PNPLA1: variants seen among roughly 807,000 people sequenced by gnomAD.
The protein encoded by PNPLA1 is patatin like domain 1, omega-hydroxyceramide transacylase.
PNPLA1 carries 36 observed loss-of-function variants against 51.7 expected under a neutral mutation model. That is an observed-to-expected ratio of 0.70 (90% CI 0.53 to 0.92). The LOEUF (loss-of-function observed/expected upper bound fraction) is 0.92. Among genes scored for constraint, PNPLA1 ranks in the 40% least tolerant of loss-of-function variants. PNPLA1 has a pLI of 0.00. For missense variants in PNPLA1, 658 were observed against 682.5 expected (o/e 0.96, Z 0.40); for synonymous variants, 293 against 280.1 (o/e 1.05, Z -0.46).
At chr6:36,295,577 C>T (rs181777329) in intron 5 of PNPLA1, among the ~76,000 whole-genome samples, 153 bp downstream of exon 5, 1 of 152,294 alleles carries the variant, frequency 6.6e-6, no homozygotes, top group Non-Finnish European at 1.5e-5. Context: ...GGGGACCTAA[C>T]AGGCTGCATC....
At chr6:36,246,678 G>A (rs1186678807) in intron 1 of PNPLA1, among the ~76,000 whole-genome samples, 1 of 152,126 alleles carries the variant, frequency 6.6e-6, no homozygotes, top group Non-Finnish European at 1.5e-5. Context: ...TTCCCACCCA[G>A]CTTCGAGTCA....
At chr6:36,269,048 T>A (rs2127323079), upstream of PNPLA1, among the ~76,000 whole-genome samples, 1 of 152,334 alleles carries the variant, frequency 6.6e-6, no homozygotes, top group African/African-American at 2.4e-5. Context: ...TGCCTGGAAT[T>A]ACCTACCCAA....
intron 1 of PNPLA1, among the ~76,000 whole-genome samples, chr6:36,250,280 C>T (rs1440340356): frequency 1.3e-5 from 2 of 152,166 alleles, no homozygotes; most frequent in Admixed American, 6.5e-5. Flanking sequence ...CTGCTTCTCT[C>T]ACCTTAAATA....
intron 1 of PNPLA1, among the ~76,000 whole-genome samples, chr6:36,271,149 G>A (rs76299172): frequency 0.057 from 8,662 of 152,216 alleles, 317 homozygotes; most frequent in East Asian, 0.11. Context: ...AAAGATGAAC[G>A]CCCTGAGGCT....
rs545446493 is a variant in PNPLA1, at chr6:36,287,471, T to C, written c.206-3849T>C. On this transcript the variant is annotated intron_variant, in intron 1 of 8. Transcript: ENST00000636260. ...GCGGTGCTGCTTCTAATAACCTTGCTGTGGTTAGTGTGGGACTCTGTGTCT... is the reference window on the plus strand; with the variant it reads ...GCGGTGCTGCTTCTAATAACCTTGCCGTGGTTAGTGTGGGACTCTGTGTCT... Among the ~76,000 whole-genome samples the C allele has an allele frequency of 5.8e-4, 88 of 152,296 alleles. 1 individual carries two copies. The Middle Eastern group carries it at 0.014, about 24-fold the overall frequency.
chr6:36,276,798 C>T (rs777416393), intron 1 of PNPLA1, among the ~76,000 whole-genome samples: 15 of 151,682 alleles, frequency 9.9e-5, no homozygotes, highest in African/African-American at 3.6e-4. Context: ...TGCTTCCTTC[C>T]GTGTTAGTTG....
chr6:36,301,666 C>T (rs148680124), intron 5 of PNPLA1, among the ~76,000 whole-genome samples, 195 bp from the exon 6 acceptor site: 237 of 152,282 alleles, frequency 1.6e-3, no homozygotes, highest in African/African-American at 3.9e-3. Context: ...GGGTGGGCAA[C>T]GCCTGCTTCC....
chr6:36,309,147 T>C (rs2127357171), intron 8 of PNPLA1, among the ~76,000 whole-genome samples: 1 of 152,242 alleles, frequency 6.6e-6, no homozygotes, highest in Middle Eastern at 3.4e-3. Context: ...CATCTCGAAG[T>C]CTAAGCAATG....
intron 1 of PNPLA1, among the ~76,000 whole-genome samples, chr6:36,261,467 G>A (rs748436914): frequency 2.0e-5 from 3 of 152,238 alleles, no homozygotes; most frequent in Non-Finnish European, 4.4e-5. Context: ...GGAGGAAAGT[G>A]TTGATGGGTT....
chr6:36,262,527 A>G (rs79226369), intron 1 of PNPLA1, among the ~76,000 whole-genome samples: 3,942 of 152,336 alleles, frequency 0.026, 181 homozygotes, highest in African/African-American at 0.089. Context: ...GGAAGTAACA[A>G]TGAAAACAAC....
intron 5 of PNPLA1, among the ~76,000 whole-genome samples, chr6:36,298,380 C>T (rs542441504): frequency 7.2e-5 from 11 of 152,284 alleles, no homozygotes; most frequent in African/African-American, 2.6e-4. Context: ...GACGGGATTG[C>T]ATGGTACATT....
At chr6:36,254,232 T>C (rs1325071341) in intron 1 of PNPLA1, among the ~76,000 whole-genome samples, 1 of 152,228 alleles carries the variant, frequency 6.6e-6, no homozygotes. Context: ...TGAATTCTTT[T>C]CAATCACATC....
chr6:36,276,572 T>G (rs185468723), intron 1 of PNPLA1, among the ~76,000 whole-genome samples: 1 of 152,334 alleles, frequency 6.6e-6, no homozygotes, highest in Admixed American at 6.5e-5. Context: ...GAAGTGGGGT[T>G]GGAAACGTGC....
chr6:36,307,081 G>GC (rs924627423), intron 7 of PNPLA1, among the ~76,000 whole-genome samples: 1 of 152,056 alleles, frequency 6.6e-6, no homozygotes, highest in African/African-American at 2.4e-5. Flanking sequence ...CACAACCCCA[G>GC]CCCCCCTCTC....
At chr6:36,284,729 T>A (rs1235616391) in intron 1 of PNPLA1, among the ~76,000 whole-genome samples, 3 of 152,166 alleles carry the variant, frequency 2.0e-5, no homozygotes, top group Admixed American at 6.5e-5. Flanking sequence ...CAGGGCAGTG[T>A]TTTGGGGGCT....
At position 36,313,104 on chromosome 6, in the gene PNPLA1, G is replaced by A. The variant is rs527757878; in HGVS notation, c.*1218G>A. 1.3e-5 allele frequency among the ~76,000 whole-genome samples: 2 copies of A among 152,290 alleles called. No homozygotes were observed. Among genetic ancestry groups the A allele is most frequent in the African/African-American group, 4.8e-5 (2 of 41,550 alleles). ...GCATTGAGATCTTTAGAGCTCCCCC[G>A]GGATTATGTGGTGCTGTGGTGTTGA... On this transcript the variant is annotated 3_prime_UTR_variant, in exon 9 of 9. Coordinates refer to ENST00000636260, the MANE Select transcript of PNPLA1 (RefSeq NM_001374623.1).
intron 1 of PNPLA1, among the ~76,000 whole-genome samples, chr6:36,252,472 T>G (rs1582025790): frequency 1.4e-5 from 2 of 141,684 alleles, no homozygotes; most frequent in African/African-American, 2.7e-5. Context: ...AGCCAGGAAG[T>G]GGAATCAGTA....
Position 36,306,154 on chromosome 6 carries a change from T to A in PNPLA1, c.1385-138T>A. On this transcript the variant is annotated intron_variant, in intron 6 of 8. Transcript: ENST00000636260. ...TCAAGTCCCACGACATGACTCTGGTTGTAAAGATGAGAATTTGAGGACAAG... is the reference window on the plus strand; with the variant it reads ...TCAAGTCCCACGACATGACTCTGGTAGTAAAGATGAGAATTTGAGGACAAG... 7.4e-6 allele frequency: 5 copies of A among 677,574 alleles called. No homozygotes were observed. In the South Asian group the frequency reaches 1.1e-4, roughly 14 times the overall value. The allele number at this position is 677,574 out of a possible 1,614,324, so 42.0% of individuals were successfully genotyped here. A position where few individuals can be genotyped will look rare whatever the true frequency, so the allele number is the denominator to read the frequency against.
intron 1 of PNPLA1, among the ~76,000 whole-genome samples, chr6:36,288,031 A>G (rs1169675098): frequency 1.3e-5 from 2 of 152,128 alleles, no homozygotes; most frequent in Non-Finnish European, 2.9e-5. Context: ...CTGTCACCCA[A>G]CCCTACCCCT....
Sources: allele counts gnomAD v4.1 joint callset (sites outside exome capture counted in the v4.1 genomes callset), GRCh38; gene constraint gnomAD v4.1.1; transcripts MANE v1.5; gene names NCBI Gene and HGNC (gene_info 2026-07-23, HGNC 2026-07-21).